Variants in TNNI3K observed in about 807,000 individuals in gnomAD.
TNNI3K encodes the protein serine/threonine-protein kinase TNNI3K.
TNNI3K carries 140 observed loss-of-function variants against 114.5 expected under a neutral mutation model. The ratio of observed to expected loss-of-function variants is 1.22; its 90% CI spans 1.07 to 1.41. The LOEUF (loss-of-function observed/expected upper bound fraction) is 1.41. Ranked by LOEUF, TNNI3K falls within the 40% of genes most tolerant of loss-of-function variation. The pLI is 0.00. For missense variants in TNNI3K, 1,125 were observed against 1,007.6 expected, an observed-to-expected ratio of 1.12 and a Z score of -1.58; for synonymous variants, 347 against 347.5, an observed-to-expected ratio of 1.00 and a Z score of 0.02.
chr1:74,392,613 G>T (rs2100572418), intron 17 of TNNI3K, among the ~76,000 whole-genome samples: 1 of 152,246 alleles, frequency 6.6e-6, no homozygotes, highest in Middle Eastern at 3.4e-3. Context: ...TCACAAATAA[G>T]GATAATCCTC....
At chr1:74,303,146 C>T (rs1658426023) in intron 5 of TNNI3K, among the ~76,000 whole-genome samples, 1 of 152,198 alleles carries the variant, frequency 6.6e-6, no homozygotes, top group Admixed American at 6.5e-5. Context: ...AACAACAATG[C>T]CTGGATGACA....
At position 74,258,055 on chromosome 1, in the gene TNNI3K, C is replaced by T. The variant is rs544219626; in HGVS notation, c.333+7286C>T. On this transcript the variant is annotated intron_variant, in intron 4 of 24. Transcript: ENST00000326637. ...TAAAGTATGATTTTTTGGCATGTCA[C>T]CTGAATTCCCAAGTCTCTCAGTAAA... Among the ~76,000 whole-genome samples, 4 of 152,254 alleles carry T rather than the reference C, an allele frequency of 2.6e-5. No individual in the cohort carries two copies. The East Asian group carries it at 7.7e-4, about 29-fold the overall frequency.
chr1:74,316,938 A>G (rs1204395515), intron 5 of TNNI3K, among the ~76,000 whole-genome samples: 1 of 151,506 alleles, frequency 6.6e-6, no homozygotes, highest in Non-Finnish European at 1.5e-5. Context: ...TGACCTCGTG[A>G]TCTGCCCACC....
At chr1:74,293,889 G>A (rs887472613) in intron 5 of TNNI3K, among the ~76,000 whole-genome samples, 1 of 151,526 alleles carries the variant, frequency 6.6e-6, no homozygotes, top group African/African-American at 2.4e-5. Context: ...TAAGAATTTA[G>A]TCCACAATTA....
rs542703650 is a variant in TNNI3K, at chr1:74,293,511, T to A, written c.444+21803T>A. ...TTTTGATAGAACTATTTTTTAAATT[T>A]AAATTAAAATTTTCATTTGTTTCTT... On this transcript the variant is annotated intron_variant, in intron 5 of 24. Transcript: ENST00000326637. Among the ~76,000 whole-genome samples, 97 of 151,888 alleles carry A rather than the reference T, an allele frequency of 6.4e-4. 4 individuals carry two copies. In the South Asian group the frequency reaches 0.019, roughly 30 times the overall value.
At chr1:74,484,833 G>C (rs2100273859) in intron 21 of TNNI3K, among the ~76,000 whole-genome samples, 1 of 152,204 alleles carries the variant, frequency 6.6e-6, no homozygotes, top group African/African-American at 2.4e-5. Flanking sequence ...GGCATTACTT[G>C]GTCTGATGTC....
chr1:74,489,498 TC>T (rs1462100333), intron 22 of TNNI3K, among the ~76,000 whole-genome samples: 1 of 152,204 alleles, frequency 6.6e-6, no homozygotes, highest in Non-Finnish European at 1.5e-5. Context: ...ACAGTCATGC[TC>T]AGCTTAAAAA....
intron 17 of TNNI3K, among the ~76,000 whole-genome samples, chr1:74,391,892 T>C (rs1475705797): frequency 6.6e-6 from 1 of 151,654 alleles, no homozygotes; most frequent in African/African-American, 2.4e-5. Flanking sequence ...TGAATGTACA[T>C]GATAATTTAA....
intron 4 of TNNI3K, among the ~76,000 whole-genome samples, chr1:74,265,478 T>C (rs978524733): frequency 7.9e-5 from 12 of 151,834 alleles, no homozygotes; most frequent in African/African-American, 2.7e-4. Flanking sequence ...CTGCAGTGGG[T>C]CCTGAAATAA....
chr1:74,321,639 A>G (rs923900669), intron 5 of TNNI3K, among the ~76,000 whole-genome samples: 2 of 151,812 alleles, frequency 1.3e-5, no homozygotes, highest in African/African-American at 4.8e-5. Flanking sequence ...GTGTGTCTCT[A>G]AGTTTTATTT....
At chr1:74,540,911 T>C (rs1646719234) in intron 24 of TNNI3K, among the ~76,000 whole-genome samples, 1 of 152,160 alleles carries the variant, frequency 6.6e-6, no homozygotes, top group African/African-American at 2.4e-5. Context: ...TTTGAAATAA[T>C]TAACAAAGTT....
chr1:74,510,185 T>C (rs1376020058), intron 23 of TNNI3K, among the ~76,000 whole-genome samples: 3 of 152,144 alleles, frequency 2.0e-5, no homozygotes, highest in Admixed American at 2.0e-4. Flanking sequence ...AGATCAGTAG[T>C]AGAGAGGGCA....
chr1:74,389,937 A>G (rs1405052212), intron 17 of TNNI3K, among the ~76,000 whole-genome samples: 1 of 152,196 alleles, frequency 6.6e-6, no homozygotes, highest in Non-Finnish European at 1.5e-5. Context: ...ATAAGAGAAA[A>G]GGGACAATTT....
At position 74,243,537 on chromosome 1, in the gene TNNI3K, A is replaced by C. The variant is rs190244692; in HGVS notation, c.150-5922A>C. Among the ~76,000 whole-genome samples, 1,068 of 152,288 alleles carry C rather than the reference A, an allele frequency of 7.0e-3. 4 individuals carry two copies. The highest frequency in any genetic ancestry group is 0.011 in the Non-Finnish European group (718 of 67,992). The stretch of plus-strand genomic sequence containing the variant: ...TACCTGTCTGAATACCTTGGAGAGC[A>C]GTGTGTTACTTTTTGGCCAACTGTT... On this transcript the variant is annotated intron_variant, in intron 2 of 24. Coordinates refer to ENST00000326637, the MANE Select transcript of TNNI3K (RefSeq NM_015978.3).
intron 21 of TNNI3K, among the ~76,000 whole-genome samples, chr1:74,467,868 A>G (rs1051410459): frequency 5.3e-5 from 8 of 152,166 alleles, no homozygotes; most frequent in African/African-American, 1.9e-4. Context: ...CCACAATTTA[A>G]CAAGCGCCCC....
At chr1:74,307,376 A>G (rs1404507496) in intron 5 of TNNI3K, among the ~76,000 whole-genome samples, 1 of 152,220 alleles carries the variant, frequency 6.6e-6, no homozygotes, top group Non-Finnish European at 1.5e-5. Context: ...TATATTCAAG[A>G]GACCCATCTT....
At chr1:74,445,327 G>C (rs1349616134) in intron 20 of TNNI3K, among the ~76,000 whole-genome samples, 1 of 139,634 alleles carries the variant, frequency 7.2e-6, no homozygotes, top group Admixed American at 7.3e-5. Flanking sequence ...CCACTAACTC[G>C]TCATCTAGCA....
At chr1:74,512,246 G>T (rs1670265737) in intron 23 of TNNI3K, among the ~76,000 whole-genome samples, 1 of 152,116 alleles carries the variant, frequency 6.6e-6, no homozygotes, top group Admixed American at 6.5e-5. Context: ...ATGGAGCTAG[G>T]GATAATATGG....
Position 74,342,969 on chromosome 1 carries a change from A to C in TNNI3K, c.810A>C (p.Gly270=). The change falls in exon 8 of 25, where the codon GGA becomes GGC. Residue 270 remains glycine, a synonymous_variant. Coordinates refer to ENST00000326637, the MANE Select transcript of TNNI3K (RefSeq NM_015978.3). ...EVQPHVVNIY[G]DTPLHLACYN... is the part of the protein sequence containing the mutation. ...AACCTCATGTTGTTAATATCTATGGAGATACCCCCTTACACCTGTGAGTAT... is the reference window on the plus strand; with the variant it reads ...AACCTCATGTTGTTAATATCTATGGCGATACCCCCTTACACCTGTGAGTAT... The C allele has an allele frequency of 6.2e-7, 1 of 1,613,850 alleles. No individual in the cohort carries two copies. The highest frequency in any genetic ancestry group is 1.1e-5 in the South Asian group (1 of 91,080).
Sources: gnomAD v4.1 joint callset for allele counts (sites outside exome capture counted in the v4.1 genomes callset) on GRCh38, gnomAD v4.1.1 for gene constraint, MANE v1.5 for transcripts, NCBI Gene and HGNC (gene_info 2026-07-23, HGNC 2026-07-21) for gene names.